The following GRID2 variants were observed in gnomAD, a reference collection of about 807,000 sequenced individuals.
GRID2 encodes glutamate ionotropic receptor delta type subunit 2.
GRID2 carries 33 observed loss-of-function variants against 114.8 expected under a neutral mutation model. The observed-to-expected ratio is 0.29, with a 90% CI of 0.22 to 0.38. The LOEUF (loss-of-function observed/expected upper bound fraction) is 0.38, where lower values mean the gene tolerates loss of function less well. Among genes scored for constraint, GRID2 ranks in the 10% least tolerant of loss-of-function variants. GRID2 has a pLI of 1.00. For missense variants in GRID2, 1,184 were observed against 1,257.7 expected, an observed-to-expected ratio of 0.94 and a Z score of 0.89; for synonymous variants, 505 against 449.9, an observed-to-expected ratio of 1.12 and a Z score of -1.55.
At chr4:92,572,956 C>CT (rs1727705091) in intron 1 of GRID2, among the ~76,000 whole-genome samples, 1 of 151,786 alleles carries the variant, frequency 6.6e-6, no homozygotes, top group Non-Finnish European at 1.5e-5. Context: ...TGGCCCTGGG[C>CT]TTTTTTTGGT....
intron 2 of GRID2, among the ~76,000 whole-genome samples, chr4:93,019,612 T>C (rs993345700): frequency 1.3e-5 from 2 of 152,142 alleles, no homozygotes; most frequent in African/African-American, 4.8e-5. Flanking sequence ...GTCAGACTAG[T>C]AGGACTCTTG....
At chr4:92,986,749 A>G (rs190042057) in intron 2 of GRID2, among the ~76,000 whole-genome samples, 4 of 152,328 alleles carry the variant, frequency 2.6e-5, no homozygotes, top group East Asian at 1.9e-4. Context: ...GAACAGGACT[A>G]AATATTATAA....
At chr4:93,300,781 A>G (rs1369347848) in intron 8 of GRID2, among the ~76,000 whole-genome samples, 1 of 152,132 alleles carries the variant, frequency 6.6e-6, no homozygotes, top group African/African-American at 2.4e-5. Flanking sequence ...CAAATGCACA[A>G]TTTGTGCCCC....
intron 2 of GRID2, among the ~76,000 whole-genome samples, chr4:92,735,227 A>C (rs1486269337): frequency 6.6e-6 from 1 of 152,136 alleles, no homozygotes; most frequent in African/African-American, 2.4e-5. Context: ...ATATGCCAGA[A>C]ATATGTTCTG....
At chr4:92,875,257 G>T (rs62311167) in intron 2 of GRID2, among the ~76,000 whole-genome samples, 4,676 of 150,008 alleles carry the variant, frequency 0.031, 95 homozygotes, top group Non-Finnish European at 0.041. Flanking sequence ...CTGCCTCCCG[G>T]GTACACGCGA....
chr4:92,732,187 T>C (rs6532381), intron 2 of GRID2, among the ~76,000 whole-genome samples: 38,922 of 151,770 alleles, frequency 0.26, 5,549 homozygotes, highest in East Asian at 0.53. Context: ...CAGGAGTAAA[T>C]GTGAAAATGG....
chr4:92,413,397 G>A (rs868329357), intron 1 of GRID2, among the ~76,000 whole-genome samples: 34 of 152,184 alleles, frequency 2.2e-4, no homozygotes, highest in African/African-American at 7.7e-4. Flanking sequence ...GGTAATGTGA[G>A]TGATGAAGAA....
chr4:93,326,310 A>G (rs1388363120), intron 8 of GRID2, among the ~76,000 whole-genome samples: 2 of 152,186 alleles, frequency 1.3e-5, no homozygotes, highest in African/African-American at 4.8e-5. Flanking sequence ...CTGGGCTGCT[A>G]CAGATACCTT....
intron 4 of GRID2, among the ~76,000 whole-genome samples, chr4:93,145,008 A>G (rs141809896): frequency 1.6e-3 from 237 of 152,280 alleles, no homozygotes; most frequent in African/African-American, 5.4e-3. Context: ...TTCCTTGATC[A>G]TACCAAGCTT....
At chr4:92,478,899 T>C (rs994722864) in intron 1 of GRID2, among the ~76,000 whole-genome samples, 1 of 152,048 alleles carries the variant, frequency 6.6e-6, no homozygotes, top group African/African-American at 2.4e-5. Flanking sequence ...CAGCAATTCT[T>C]TGCGGGGGTA....
intron 8 of GRID2, among the ~76,000 whole-genome samples, chr4:93,308,093 A>G (rs1341316430): frequency 6.6e-6 from 1 of 152,274 alleles, no homozygotes; most frequent in South Asian, 2.1e-4. Flanking sequence ...ACAGCTTACT[A>G]TCAGAGAAAA....
chr4:93,261,348 C>G (rs912751083), intron 8 of GRID2, among the ~76,000 whole-genome samples: 1 of 151,800 alleles, frequency 6.6e-6, no homozygotes, highest in African/African-American at 2.4e-5. Flanking sequence ...ATCCTTGCAC[C>G]TAAGTGGCTT....
chr4:93,108,539 T>C (rs1207548061), intron 3 of GRID2, among the ~76,000 whole-genome samples: 1 of 152,244 alleles, frequency 6.6e-6, no homozygotes, highest in Non-Finnish European at 1.5e-5. Flanking sequence ...GTTTGCCTTG[T>C]ATTCAGATGT....
Position 93,601,018 on chromosome 4 carries a change from G to A in GRID2, c.2194-25251G>A, listed in dbSNP as rs528277919. On this transcript the variant is annotated intron_variant, in intron 13 of 15. Transcript: ENST00000282020. ...AGAGCAATAGTGCCCAGAGGGTGAG[G>A]AAGAGGGCAAGGAAAATTTCTGGAG... Among the ~76,000 whole-genome samples, 73 of 152,312 alleles carry A rather than the reference G, an allele frequency of 4.8e-4. 1 individual carries two copies. The highest frequency in any genetic ancestry group is 1.2e-3 in the Admixed American group (18 of 15,302).
intron 1 of GRID2, among the ~76,000 whole-genome samples, chr4:92,546,197 T>C (rs1726250815): frequency 6.6e-6 from 1 of 152,166 alleles, no homozygotes; most frequent in African/African-American, 2.4e-5. Flanking sequence ...AGAAGTCTCT[T>C]TGATTAATAT....
In GRID2 at chr4:92,591,791, CA is replaced by C. The variant is rs1164681975; in HGVS notation, c.244+1506del. On this transcript the variant is annotated intron_variant, in intron 2 of 15. Transcript: ENST00000282020. The stretch of plus-strand genomic sequence containing the variant: ...TTGTTAATGGAATGGAGTAAAAAAT[CA>C]TTATTTTTTGAAATGAATAGAACTG... Among the ~76,000 whole-genome samples, 4 of 151,896 alleles carry C rather than the reference CA, an allele frequency of 2.6e-5. No homozygotes were observed. The East Asian group carries it at 7.7e-4, about 29-fold the overall frequency.
At chr4:93,634,756 G>A (rs1388389698) in intron 14 of GRID2, among the ~76,000 whole-genome samples, 1 of 151,994 alleles carries the variant, frequency 6.6e-6, no homozygotes, top group Non-Finnish European at 1.5e-5. Context: ...GAAGCAGTAA[G>A]AATACTACAA....
intron 1 of GRID2, among the ~76,000 whole-genome samples, chr4:92,575,357 G>A (rs566378949): frequency 6.6e-6 from 1 of 152,282 alleles, no homozygotes; most frequent in African/African-American, 2.4e-5. Flanking sequence ...AGCCCTTGCT[G>A]GTGAGATGGT....
intron 1 of GRID2, among the ~76,000 whole-genome samples, chr4:92,542,139 T>C (rs2149163893): frequency 6.6e-6 from 1 of 152,218 alleles, no homozygotes; most frequent in Non-Finnish European, 1.5e-5. Flanking sequence ...GAAAAGCTGA[T>C]ATGGTATAAT....
Sources: gnomAD v4.1 joint callset for allele counts (sites outside exome capture counted in the v4.1 genomes callset) on GRCh38, gnomAD v4.1.1 for gene constraint, MANE v1.5 for transcripts, NCBI Gene and HGNC (gene_info 2026-07-23, HGNC 2026-07-21) for gene names.